Variants in RUNX1T1 observed in about 807,000 individuals in gnomAD.
RUNX1T1 encodes RUNX1 partner transcriptional co-repressor 1.
Under a neutral mutation model 62.8 loss-of-function variants are expected in RUNX1T1, and 4 were observed. The ratio of observed to expected loss-of-function variants is 0.06; its 90% CI spans 0.03 to 0.15. The LOEUF (loss-of-function observed/expected upper bound fraction) is 0.15. Among genes scored for constraint, RUNX1T1 ranks in the 10% least tolerant of loss-of-function variants. RUNX1T1 has a pLI of 1.00. For missense variants in RUNX1T1, 508 were observed against 754.3 expected, an observed-to-expected ratio of 0.67 and a Z score of 3.82; for synonymous variants, 291 against 286.0, an observed-to-expected ratio of 1.02 and a Z score of -0.18.
intron 1 of RUNX1T1, among the ~76,000 whole-genome samples, chr8:92,029,145 G>A (rs534092208): frequency 6.6e-6 from 1 of 152,280 alleles, no homozygotes; most frequent in East Asian, 1.9e-4. Flanking sequence ...GCAAACAGCA[G>A]GAGTTTAAAT....
chr8:91,987,903 T>C (rs1816900599), intron 6 of RUNX1T1, among the ~76,000 whole-genome samples: 1 of 152,138 alleles, frequency 6.6e-6, no homozygotes, highest in Non-Finnish European at 1.5e-5. Context: ...AAACTATTAT[T>C]TTTGGTTACC....
At chr8:92,056,461 A>G (rs1831054584) in intron 1 of RUNX1T1, among the ~76,000 whole-genome samples, 1 of 152,184 alleles carries the variant, frequency 6.6e-6, no homozygotes, top group South Asian at 2.1e-4. Context: ...AGTACTCTGT[A>G]TAATGTTAAT....
chr8:91,996,954 T>A (rs1326587040), intron 5 of RUNX1T1, among the ~76,000 whole-genome samples: 5 of 146,742 alleles, frequency 3.4e-5, no homozygotes, highest in African/African-American at 1.3e-4. Flanking sequence ...AAACCCCGTC[T>A]CTACTAAGAA....
upstream of RUNX1T1, among the ~76,000 whole-genome samples, chr8:92,101,566 C>A (rs1838036513): frequency 6.6e-6 from 1 of 152,116 alleles, no homozygotes. Flanking sequence ...TTCTCCGTTA[C>A]GCTTTGCAAG....
At chr8:91,956,797 A>T (rs1013899950), downstream of RUNX1T1, 7 of 217,398 alleles carry the variant, frequency 3.2e-5, no homozygotes, top group East Asian at 1.4e-4. Flanking sequence ...ATAATATTTT[A>T]AAAAAATTAC....
intron 1 of RUNX1T1, chr8:92,095,399 C>A (rs771241561): frequency 6.5e-7 from 1 of 1,535,552 alleles, no homozygotes; most frequent in South Asian, 1.2e-5. Context: ...GCACCCAGAC[C>A]GCGGCTTTGT....
chr8:92,096,103 CAG>C (rs1245956388), intron 1 of RUNX1T1, among the ~76,000 whole-genome samples: 2 of 152,190 alleles, frequency 1.3e-5, no homozygotes, highest in Non-Finnish European at 2.9e-5. Flanking sequence ...TTCACACACT[CAG>C]AGATATAAAA....
intron 1 of RUNX1T1, among the ~76,000 whole-genome samples, chr8:92,082,189 T>C (rs914031694): frequency 5.3e-5 from 8 of 152,032 alleles, no homozygotes; most frequent in Admixed American, 4.6e-4. Flanking sequence ...CTGGCCTAAG[T>C]TGTGGTATTT....
intron 1 of RUNX1T1, among the ~76,000 whole-genome samples, chr8:92,080,703 C>A (rs1313416575): frequency 6.6e-6 from 1 of 152,254 alleles, no homozygotes. Context: ...CAACAATGCC[C>A]ATACCCAGTG....
Position 92,026,410 on chromosome 8 carries a change from C to T in RUNX1T1, c.8-9047G>A, listed in dbSNP as rs80236394. Among the ~76,000 whole-genome samples, 11 of 152,330 alleles carry T rather than the reference C, an allele frequency of 7.2e-5. 1 individual carries two copies. In the East Asian group the frequency reaches 2.1e-3, roughly 29 times the overall value. ...CAAGGTTTTAAGTCAGGTCTTAATCCATGCCTTCTCAAAGTTCATTATCCT... is the reference window on the plus strand; with the variant it reads ...CAAGGTTTTAAGTCAGGTCTTAATCTATGCCTTCTCAAAGTTCATTATCCT... On this transcript the variant is annotated intron_variant, in intron 1 of 10. Transcript: ENST00000396218.
rs1321225354 is a variant in RUNX1T1 at position 92,018,434 on chromosome 8, C to T, written c.8-1071G>A. Among the ~76,000 whole-genome samples the T allele has an allele frequency of 2.6e-5, 4 of 152,162 alleles. No homozygotes were observed. In the East Asian group the frequency reaches 7.7e-4, roughly 29 times the overall value. On this transcript the variant is annotated intron_variant, in intron 1 of 10. Transcript: ENST00000396218. Reference sequence around the variant, plus strand: ...AGTATCAGAGTCTCTATTTTTGGTTCTTTAGATCTAATTCTTTCACAAATG... The same window carrying T: ...AGTATCAGAGTCTCTATTTTTGGTTTTTTAGATCTAATTCTTTCACAAATG...
upstream of RUNX1T1, among the ~76,000 whole-genome samples, chr8:92,067,381 C>T (rs976873299): frequency 7.2e-5 from 11 of 152,262 alleles, no homozygotes; most frequent in East Asian, 2.1e-3. Flanking sequence ...GAAGTCACAA[C>T]CCCTAGCCTT....
chr8:92,029,265 T>C (rs1271783332), intron 1 of RUNX1T1, among the ~76,000 whole-genome samples: 1 of 152,192 alleles, frequency 6.6e-6, no homozygotes, highest in African/African-American at 2.4e-5. Flanking sequence ...GGCAGCCAAA[T>C]GAGATGTTCA....
chr8:92,080,012 C>T (rs547704325), intron 1 of RUNX1T1, among the ~76,000 whole-genome samples: 8 of 151,668 alleles, frequency 5.3e-5, no homozygotes, highest in African/African-American at 1.9e-4. Context: ...AACATTGTTT[C>T]TTAATTGTCT....
chr8:92,084,985 C>A (rs1835871868), intron 1 of RUNX1T1, among the ~76,000 whole-genome samples: 2 of 152,196 alleles, frequency 1.3e-5, no homozygotes, highest in South Asian at 4.1e-4. Context: ...CCATAGCCAT[C>A]AAGTCAGATG....
chr8:92,083,344 C>G (rs1056886188), intron 1 of RUNX1T1, among the ~76,000 whole-genome samples: 3 of 152,146 alleles, frequency 2.0e-5, no homozygotes, highest in African/African-American at 7.2e-5. Flanking sequence ...TTTTTGCAAT[C>G]TACCCATCTG....
At chr8:92,076,128 T>G in exon 2 of RUNX1T1, 1 of 1,542,690 alleles carries the variant, frequency 6.5e-7, no homozygotes, top group Non-Finnish European at 8.7e-7. Flanking sequence ...AGCCCAGAGA[T>G]CAATCTTTTC....
intron 1 of RUNX1T1, among the ~76,000 whole-genome samples, chr8:92,043,927 G>A (rs1003807357): frequency 1.4e-5 from 2 of 146,476 alleles, no homozygotes; most frequent in Non-Finnish European, 3.0e-5. Context: ...GCAGTGAGCT[G>A]AGATCAAGCC....
At chr8:92,072,665 T>C (rs1177768360) in intron 2 of RUNX1T1, among the ~76,000 whole-genome samples, 2 of 152,200 alleles carry the variant, frequency 1.3e-5, no homozygotes, top group East Asian at 3.9e-4. Flanking sequence ...TAAATTGATT[T>C]CACGCATCAC....
Sources: gnomAD v4.1 joint callset for allele counts (sites outside exome capture counted in the v4.1 genomes callset) on GRCh38, gnomAD v4.1.1 for gene constraint, MANE v1.5 for transcripts, NCBI Gene and HGNC (gene_info 2026-07-23, HGNC 2026-07-21) for gene names.